CNTNAP2: variants seen among roughly 807,000 people sequenced by gnomAD.
CNTNAP2 encodes the protein contactin-associated protein-like 2.
CNTNAP2 carries 98 observed loss-of-function variants against 155.2 expected under a neutral mutation model. The observed-to-expected ratio is 0.63, with a 90% CI of 0.54 to 0.75. The LOEUF is 0.75. Among genes scored for constraint, CNTNAP2 ranks in the 30% least tolerant of loss-of-function variants. The probability of loss-of-function intolerance (pLI) is 0.00; values close to 1 mark genes in which losing one functional copy is unlikely to be tolerated. For missense variants in CNTNAP2, 1,727 were observed against 1,688.1 expected (o/e 1.02, Z -0.40); for synonymous variants, 651 against 631.2 (o/e 1.03, Z -0.47).
At position 147,116,346 on chromosome 7, in the gene CNTNAP2, G is replaced by A. The variant is rs190670200; in HGVS notation, c.755-4633G>A. Among the ~76,000 whole-genome samples the A allele has an allele frequency of 9.9e-5, 15 of 152,278 alleles. No homozygotes were observed. The East Asian group carries it at 2.7e-3, about 28-fold the overall frequency. The stretch of plus-strand genomic sequence containing the variant: ...AAAGCAGTCTGGCTGCTTTTTGATA[G>A]AGCCACTGTGCTGTGTTGGAGATTT... On this transcript the variant is annotated intron_variant, in intron 5 of 23. Coordinates refer to ENST00000361727, the MANE Select transcript of CNTNAP2 (RefSeq NM_014141.6).
intron 8 of CNTNAP2, among the ~76,000 whole-genome samples, chr7:147,268,540 A>G (rs936837548): frequency 2.6e-5 from 4 of 152,152 alleles, no homozygotes; most frequent in Admixed American, 1.3e-4. Flanking sequence ...GGGATCGCGT[A>G]AGGAGAAATA....
intron 22 of CNTNAP2, among the ~76,000 whole-genome samples, chr7:148,395,792 G>C (rs1361628621): frequency 6.6e-6 from 1 of 152,084 alleles, no homozygotes; most frequent in Non-Finnish European, 1.5e-5. Flanking sequence ...TCTTAACCAG[G>C]ATCACTTAAC....
Position 146,702,095 on chromosome 7 carries a change from T to C in CNTNAP2, c.98-72176T>C, listed in dbSNP as rs145810574. 1.9e-3 allele frequency among the ~76,000 whole-genome samples: 290 copies of C among 152,238 alleles called. 3 individuals carry two copies. The highest frequency in any genetic ancestry group is 6.5e-3 in the African/African-American group (269 of 41,568). ...TTCATCATTGTGAGAAAAGAACAGATGTTTCTATTTGACATCAAATATTTT... is the reference window on the plus strand; with the variant it reads ...TTCATCATTGTGAGAAAAGAACAGACGTTTCTATTTGACATCAAATATTTT... On this transcript the variant is annotated intron_variant, in intron 1 of 23. Coordinates refer to ENST00000361727, the MANE Select transcript of CNTNAP2 (RefSeq NM_014141.6).
chr7:147,377,528 C>T (rs918547835), intron 9 of CNTNAP2, among the ~76,000 whole-genome samples: 1 of 151,630 alleles, frequency 6.6e-6, no homozygotes, highest in African/African-American at 2.4e-5. Context: ...GACATAGTTC[C>T]ATTCTTTGAC....
At chr7:146,965,741 T>A (rs979981293) in intron 3 of CNTNAP2, among the ~76,000 whole-genome samples, 4 of 152,208 alleles carry the variant, frequency 2.6e-5, no homozygotes, top group Non-Finnish European at 5.9e-5. Flanking sequence ...AACCGTTATG[T>A]AGTGCTTGAC....
At chr7:147,717,384 A>G (rs147263504) in intron 13 of CNTNAP2, among the ~76,000 whole-genome samples, 107 of 152,238 alleles carry the variant, frequency 7.0e-4, no homozygotes, top group African/African-American at 2.5e-3. Flanking sequence ...TGCTCAATTT[A>G]CCAGCAGTAT....
intron 15 of CNTNAP2, among the ~76,000 whole-genome samples, chr7:148,050,547 TA>T (rs1223415316): frequency 6.6e-6 from 1 of 152,154 alleles, no homozygotes; most frequent in South Asian, 2.1e-4. Context: ...GTTTAGAAAG[TA>T]AAAAAAGTTA....
chr7:148,368,755 G>A (rs1447908161), intron 21 of CNTNAP2, among the ~76,000 whole-genome samples: 4 of 152,114 alleles, frequency 2.6e-5, no homozygotes, highest in East Asian at 3.9e-4. Flanking sequence ...TGAGAGGGTC[G>A]TGATCTATTG....
chr7:147,510,149 C>G (rs187823083), intron 11 of CNTNAP2, among the ~76,000 whole-genome samples: 25 of 152,120 alleles, frequency 1.6e-4, no homozygotes, highest in Admixed American at 1.3e-4. Context: ...TCTGTTTTCT[C>G]TCTTAGCCTT....
rs1563081270 is a variant in CNTNAP2, at chr7:148,416,536, T to TTTGCTCTTTTTCTTTTA, written c.*921_*922insTGCTCTTTTTCTTTTAT. 1 of 658 alleles carries TTTGCTCTTTTTCTTTTA rather than the reference T, an allele frequency of 1.5e-3. No homozygotes were observed. Among genetic ancestry groups the TTTGCTCTTTTTCTTTTA allele is most frequent in the Admixed American group, 0.028 (1 of 36 alleles). 0.0% of individuals were successfully genotyped at this position (658 alleles called of 1,614,324 possible). A position where few individuals can be genotyped will look rare whatever the true frequency, so the allele number is the denominator to read the frequency against. Reference sequence around the variant, plus strand: ...TTGTTTGCTCTTTTTCTTTTATAGTTTAGTTATAGCAAAAATATGGATAAT... The same window carrying TTTGCTCTTTTTCTTTTA: ...TTGTTTGCTCTTTTTCTTTTATAGTTTTGCTCTTTTTCTTTTATAGTTATAGCAAAAATATGGATAAT... On this transcript the variant is annotated 3_prime_UTR_variant, in exon 24 of 24. Coordinates refer to ENST00000361727, the MANE Select transcript of CNTNAP2 (RefSeq NM_014141.6).
chr7:146,793,445 A>T (rs764178451), intron 2 of CNTNAP2, among the ~76,000 whole-genome samples: 1 of 152,208 alleles, frequency 6.6e-6, no homozygotes, highest in Non-Finnish European at 1.5e-5. Flanking sequence ...GGGGATGTGC[A>T]GGGTGTAATC....
At chr7:146,627,828 G>C (rs1333725607) in intron 1 of CNTNAP2, among the ~76,000 whole-genome samples, 2 of 152,060 alleles carry the variant, frequency 1.3e-5, no homozygotes, top group African/African-American at 4.8e-5. Flanking sequence ...CCTCAAGGAA[G>C]CACCAAAATG....
chr7:146,209,701 T>C (rs1240746841), intron 1 of CNTNAP2, among the ~76,000 whole-genome samples: 2 of 152,132 alleles, frequency 1.3e-5, no homozygotes, highest in Admixed American at 1.3e-4. Flanking sequence ...AAAGGAAATG[T>C]TTGAAATAAA....
intron 13 of CNTNAP2, among the ~76,000 whole-genome samples, chr7:147,796,603 A>G (rs368762884): frequency 6.6e-6 from 1 of 152,070 alleles, no homozygotes; most frequent in East Asian, 1.9e-4. Flanking sequence ...AACATAAAAC[A>G]TGTTTTGTGA....
At chr7:147,643,029 A>G (rs773632684) in intron 13 of CNTNAP2, among the ~76,000 whole-genome samples, 9 of 152,218 alleles carry the variant, frequency 5.9e-5, no homozygotes, top group Admixed American at 2.6e-4. Flanking sequence ...GAATGGCCTT[A>G]CTCCCAGGCT....
intron 1 of CNTNAP2, among the ~76,000 whole-genome samples, chr7:146,417,250 G>T (rs1352170413): frequency 6.6e-6 from 1 of 152,126 alleles, no homozygotes; most frequent in East Asian, 1.9e-4. Context: ...ACTTGGCAAA[G>T]CTTATGAGAC....
At chr7:148,127,556 T>C (rs1201950210) in intron 16 of CNTNAP2, among the ~76,000 whole-genome samples, 1 of 152,134 alleles carries the variant, frequency 6.6e-6, no homozygotes, top group Non-Finnish European at 1.5e-5. Flanking sequence ...TAGGAAATAA[T>C]ATGAGGAAAA....
In CNTNAP2 at chr7:148,220,478, G is replaced by A. The variant is rs1301713270; in HGVS notation, c.3247+2954G>A. ...CAACTTTTAGTAAAATAGTAAAAGA[G>A]GGAGTTGCCATTTTATGGAATATTA... is the stretch of plus-strand genomic sequence containing the variant. On this transcript the variant is annotated intron_variant, in intron 19 of 23. Transcript: ENST00000361727. 2.6e-5 allele frequency among the ~76,000 whole-genome samples: 4 copies of A among 152,104 alleles called. No individual in the cohort carries two copies. In the South Asian group the frequency reaches 6.2e-4, roughly 24 times the overall value.
chr7:148,390,547 A>G (rs1210187365), intron 22 of CNTNAP2, among the ~76,000 whole-genome samples: 3 of 152,134 alleles, frequency 2.0e-5, no homozygotes, highest in African/African-American at 7.2e-5. Context: ...AGGGCTACTC[A>G]ATCCATACCT....
Sources: allele counts gnomAD v4.1 joint callset (sites outside exome capture counted in the v4.1 genomes callset), GRCh38; gene constraint gnomAD v4.1.1; transcripts MANE v1.5; gene names NCBI Gene and HGNC (gene_info 2026-07-23, HGNC 2026-07-21).